PUS10: variants seen among roughly 807,000 people sequenced by gnomAD.
PUS10 encodes the protein pseudouridine synthase 10, also known as tRNA pseudouridine synthase Pus10.
A neutral mutation model predicts 75.0 loss-of-function variants in PUS10; 59 were observed. That is an observed-to-expected ratio of 0.79 (90% CI 0.64 to 0.98). PUS10 has a LOEUF of 0.98. Ranked by LOEUF, PUS10 falls within the 50% of genes least tolerant of loss-of-function variation. The pLI, the probability that PUS10 is intolerant of heterozygous loss-of-function variation, is 0.00. For synonymous variants in PUS10, 219 were observed against 211.6 expected, an observed-to-expected ratio of 1.03 and a Z score of -0.30; for missense variants, 650 against 614.4, an observed-to-expected ratio of 1.06 and a Z score of -0.61.
At chr2:60,960,285 CATAAGCTGTGATCGTGCTACTGCA>C in intron 11 of PUS10, 83 bp downstream of exon 11, 5 of 843,046 alleles carry the variant, frequency 5.9e-6, no homozygotes, top group Non-Finnish European at 8.4e-6. Flanking sequence ...TCAAGGCTGC[CATAAGCTGTGATCGTGCTACTGCA>C]ATCTAGCCTA....
chr2:60,946,506 G>A (rs1278721798), intron 16 of PUS10, among the ~76,000 whole-genome samples: 1 of 152,132 alleles, frequency 6.6e-6, no homozygotes, highest in East Asian at 1.9e-4. Flanking sequence ...TAAAGGCCAG[G>A]ATTAGGTAAG....
Position 60,958,625 on chromosome 2 carries a change from T to A in PUS10, c.1000+1767A>T, listed in dbSNP as rs75298565. 4.5e-3 allele frequency among the ~76,000 whole-genome samples: 686 copies of A among 152,312 alleles called. 3 individuals carry two copies. The highest frequency in any genetic ancestry group is 6.5e-3 in the Non-Finnish European group (445 of 68,022). On this transcript the variant is annotated intron_variant, in intron 11 of 17. Transcript: ENST00000316752. ...CTGGCTGAGTGTGGTGGTTCACGCC[T>A]GTAATCTCAGCGCTTTGAGAGGCCA...
intron 1 of PUS10, among the ~76,000 whole-genome samples, chr2:61,013,161 G>A (rs1679740270): frequency 6.6e-6 from 1 of 151,700 alleles, no homozygotes; most frequent in African/African-American, 2.4e-5. Context: ...ACCGAGGTGG[G>A]AGGATCGCTT....
intron 4 of PUS10, among the ~76,000 whole-genome samples, chr2:60,983,888 G>T (rs564346347): frequency 2.5e-4 from 38 of 151,788 alleles, no homozygotes; most frequent in African/African-American, 9.2e-4. Flanking sequence ...ATAGAGACCT[G>T]CAAGTTAGTC....
chr2:60,962,607 A>T (rs190504663), intron 9 of PUS10, among the ~76,000 whole-genome samples: 122 of 148,158 alleles, frequency 8.2e-4, no homozygotes, highest in African/African-American at 2.6e-3. Context: ...GTATTTTTTA[A>T]AAAAAAAAGA....
intron 3 of PUS10, among the ~76,000 whole-genome samples, 187 bp downstream of exon 3, chr2:61,008,574 G>C (rs1679391600): frequency 1.3e-5 from 2 of 152,108 alleles, no homozygotes; most frequent in African/African-American, 4.8e-5. Flanking sequence ...TAGGAGGATT[G>C]CTTGAGCCCC....
At chr2:60,962,963 A>G (rs1021101789) in intron 8 of PUS10, 73 bp from the exon 9 acceptor site, 2 of 1,469,776 alleles carry the variant, frequency 1.4e-6, no homozygotes, top group Non-Finnish European at 1.8e-6. Flanking sequence ...GAAACACAGA[A>G]CATGGCTGGA....
rs538339642 is a variant in PUS10, at chr2:61,009,567, G to T, written c.127-552C>A. Among the ~76,000 whole-genome samples the T allele has an allele frequency of 2.4e-3, 365 of 152,238 alleles. 2 individuals are homozygous for T. The highest frequency in any genetic ancestry group is 4.3e-3 in the Non-Finnish European group (295 of 67,978). On this transcript the variant is annotated intron_variant, in intron 2 of 17. Transcript: ENST00000316752. The stretch of plus-strand genomic sequence containing the variant: ...CAAATGCTGACAATGCTGAAAGTTA[G>T]CATATGATTACAAACCATTTCCATA...
At chr2:60,982,795 T>C (rs1677481294) in intron 4 of PUS10, among the ~76,000 whole-genome samples, 1 of 151,962 alleles carries the variant, frequency 6.6e-6, no homozygotes, top group East Asian at 1.9e-4. Flanking sequence ...AAACCAAATA[T>C]CTATGTATGT....
chr2:61,017,623 A>C, intron 1 of PUS10: 1 of 631,130 alleles, frequency 1.6e-6, no homozygotes, highest in Admixed American at 3.0e-5. Flanking sequence ...AAAGTAACTC[A>C]AGCCTTGTCC....
In PUS10 at chr2:60,967,567, CT is replaced by C; in HGVS notation, c.549del (p.Glu184LysfsTer6). 1 of 1,609,768 alleles carries C rather than the reference CT, an allele frequency of 6.2e-7. No homozygotes were observed. The highest frequency in any genetic ancestry group is 8.5e-7 in the Non-Finnish European group (1 of 1,178,032). ...SLGRDDIVQLKEAYKWITHPL... is the reference protein window; with the variant it reads ...SLGRDDIVQLXEAYKWITHPL... ...GGGTGAGTTATCCATTTGTAGGCTT[CT>C]TTTAGCTGAACTATATCATCTCTTC... On this transcript the variant is annotated frameshift_variant, in exon 6 of 18. Coordinates refer to ENST00000316752, the MANE Select transcript of PUS10 (RefSeq NM_144709.4). LOFTEE classifies it high-confidence loss of function.
intron 12 of PUS10, 53 bp from the exon 13 acceptor site, chr2:60,954,211 T>A: frequency 6.4e-7 from 1 of 1,574,162 alleles, no homozygotes; most frequent in Non-Finnish European, 8.7e-7. Context: ...GAGTTAACAT[T>A]TGGGCTAATG....
chr2:60,962,455 TC>T (rs1351995120), intron 9 of PUS10, among the ~76,000 whole-genome samples: 1 of 151,972 alleles, frequency 6.6e-6, no homozygotes, highest in East Asian at 1.9e-4. Flanking sequence ...ATGCCTATAA[TC>T]CCAGCTACTT....
intron 4 of PUS10, among the ~76,000 whole-genome samples, chr2:60,979,035 A>C (rs1283331027): frequency 6.6e-6 from 1 of 152,206 alleles, no homozygotes; most frequent in African/African-American, 2.4e-5. Context: ...GACAATAGAA[A>C]AATGACAATA....
chr2:61,008,921 T>C lies in PUS10; in HGVS notation c.221A>G (p.Gln74Arg), dbSNP rs766777518. The C allele has an allele frequency of 6.2e-7, 1 of 1,613,802 alleles. No homozygotes were observed. The highest frequency in any genetic ancestry group is 8.5e-7 in the Non-Finnish European group (1 of 1,179,876). Reference sequence around the variant, plus strand: ...ATTATCAATACTATCTTCCAGTTCTTGCAGTCGAATTTTCTTGGGAGGTGG... The same window carrying C: ...ATTATCAATACTATCTTCCAGTTCTCGCAGTCGAATTTTCTTGGGAGGTGG... The part of the protein sequence containing the change: ...MNPPPKKIRL[Q>R]ELEDSIDNLS... The change falls in exon 3 of 18, where the codon CAA (glutamine) becomes CGA (arginine). Residue 74 changes from glutamine to arginine, a missense_variant. Gln to Arg is a conservative substitution (Grantham distance 43). Transcript: ENST00000316752.
At chr2:60,969,422 T>C (rs1676528399) in intron 5 of PUS10, among the ~76,000 whole-genome samples, 2 of 152,230 alleles carry the variant, frequency 1.3e-5, no homozygotes, top group Non-Finnish European at 2.9e-5. Flanking sequence ...ATATACCTGA[T>C]TGTCCTTTAG....
At chr2:60,971,869 T>C (rs1436085679) in intron 4 of PUS10, among the ~76,000 whole-genome samples, 1 of 139,922 alleles carries the variant, frequency 7.1e-6, no homozygotes, top group African/African-American at 2.6e-5. Context: ...TCTTCTCTTT[T>C]TTTTTTTTTT....
chr2:61,011,737 A>G (rs1323274533), intron 2 of PUS10, 28 bp downstream of exon 2: 56 of 317,356 alleles, frequency 1.8e-4, no homozygotes, highest in Non-Finnish European at 2.6e-4. Flanking sequence ...TCTTAATTTG[A>G]AAAAAAAAAA....
intron 5 of PUS10, among the ~76,000 whole-genome samples, chr2:60,968,677 C>CA (rs11345056): frequency 2.0e-4 from 30 of 149,748 alleles, no homozygotes; most frequent in Admixed American, 1.4e-3. Flanking sequence ...ATAGTTGATC[C>CA]AAAAAAAAAT....
Sources: gnomAD v4.1 joint callset for allele counts (sites outside exome capture counted in the v4.1 genomes callset) on GRCh38, gnomAD v4.1.1 for gene constraint, MANE v1.5 for transcripts, NCBI Gene and HGNC (gene_info 2026-07-23, HGNC 2026-07-21) for gene names.